ACSM3: variants seen among roughly 807,000 people sequenced by gnomAD.
The protein encoded by ACSM3 is acyl-coenzyme A synthetase ACSM3, mitochondrial.
A neutral mutation model predicts 74.1 loss-of-function variants in ACSM3; 61 were observed. The observed-to-expected ratio is 0.82, with a 90% CI of 0.67 to 1.02. ACSM3 has a LOEUF of 1.02. ACSM3 is among the 50% of genes least tolerant of loss of function. ACSM3 has a pLI of 0.00. For missense variants in ACSM3, 660 were observed against 697.0 expected, an observed-to-expected ratio of 0.95 and a Z score of 0.60; for synonymous variants, 213 against 241.5, an observed-to-expected ratio of 0.88 and a Z score of 1.09.
At chr16:20,705,101 G>A (rs376361701) in intron 1 of ACSM3, among the ~76,000 whole-genome samples, 39 of 152,224 alleles carry the variant, frequency 2.6e-4, no homozygotes, top group African/African-American at 6.7e-4. Context: ...GGCCAGGTGC[G>A]GTGGCTCACG....
intron 2 of ACSM3, among the ~76,000 whole-genome samples, chr16:20,752,826 A>C (rs2079998716): frequency 6.6e-6 from 1 of 152,256 alleles, no homozygotes; most frequent in Non-Finnish European, 1.5e-5. Context: ...CCAACACAAC[A>C]TTATGATTCT....
At chr16:20,682,358 G>A (rs2079464047) in intron 1 of ACSM3, 3 of 1,614,080 alleles carry the variant, frequency 1.9e-6, no homozygotes, top group Non-Finnish European at 2.5e-6. Flanking sequence ...GTCCACCTCT[G>A]AGGCAAGGGC....
chr16:20,685,221 C>T (rs1228195136), intron 1 of ACSM3: 4 of 1,614,112 alleles, frequency 2.5e-6, no homozygotes, highest in Non-Finnish European at 3.4e-6. Context: ...CAGCCACCAG[C>T]CACCACTCAG....
intron 1 of ACSM3, chr16:20,728,486 T>C (rs2079814506): frequency 8.7e-7 from 1 of 1,146,050 alleles, no homozygotes; most frequent in African/African-American, 1.6e-5. Flanking sequence ...TCTCTGAATA[T>C]GTGATATGAG....
In ACSM3 at chr16:20,717,656, C is replaced by A. The variant is rs11642296; in HGVS notation, c.-189-32254C>A. Among the ~76,000 whole-genome samples, 793 of 152,030 alleles carry A rather than the reference C, an allele frequency of 5.2e-3. 8 individuals carry two copies. Among genetic ancestry groups the A allele is most frequent in the Non-Finnish European group, 6.0e-3 (406 of 67,986 alleles). On this transcript the variant is annotated intron_variant, in intron 1 of 3. Coordinates refer to the ACSM3 transcript ENST00000561584. ...CTCCTGAAACATTAACAGCAATTTA[C>A]AAAGATTCCATGCTGATTTTTAAAA...
chr16:20,763,264 A>G (rs960110942), upstream of ACSM3, among the ~76,000 whole-genome samples: 3 of 152,240 alleles, frequency 2.0e-5, no homozygotes, highest in Non-Finnish European at 2.9e-5. Flanking sequence ...AAAAATGGTA[A>G]AAGAGAAAAA....
chr16:20,706,234 G>A (rs1291285464), intron 1 of ACSM3, among the ~76,000 whole-genome samples: 1 of 151,604 alleles, frequency 6.6e-6, no homozygotes, highest in Admixed American at 6.6e-5. Flanking sequence ...ATCTAAAATG[G>A]GAGAAATACA....
chr16:20,682,326 A>AG, intron 1 of ACSM3: 1 of 1,613,958 alleles, frequency 6.2e-7, no homozygotes, highest in Non-Finnish European at 8.5e-7. Flanking sequence ...GTTTTCAGAG[A>AG]GGGGCACTGA....
chr16:20,684,746 G>A (rs2079515367), intron 1 of ACSM3, among the ~76,000 whole-genome samples: 1 of 151,790 alleles, frequency 6.6e-6, no homozygotes, highest in Admixed American at 6.5e-5. Flanking sequence ...GTAAGAAAGG[G>A]AGAGAAAGAG....
At chr16:20,755,562 C>T (rs2152437184) in intron 2 of ACSM3, 1 of 151,738 alleles carries the variant, frequency 6.6e-6, no homozygotes, top group East Asian at 1.9e-4. Flanking sequence ...TATATTTCAT[C>T]TTCATTCCAG....
intron 1 of ACSM3, chr16:20,738,770 T>A: frequency 1.8e-6 from 2 of 1,089,040 alleles, no homozygotes; most frequent in Non-Finnish European, 1.4e-6. Context: ...TAATACAGTG[T>A]ACAGAAGCTG....
At chr16:20,753,138 A>G (rs982327727) in intron 2 of ACSM3, among the ~76,000 whole-genome samples, 1 of 145,028 alleles carries the variant, frequency 6.9e-6, no homozygotes, top group Non-Finnish European at 1.5e-5. Context: ...CACTGAGTTG[A>G]AAAAAAAAAA....
chr16:20,695,339 C>T (rs1246132381), intron 1 of ACSM3, among the ~76,000 whole-genome samples: 2 of 152,158 alleles, frequency 1.3e-5, no homozygotes, highest in African/African-American at 4.8e-5. Flanking sequence ...TGCACGATAT[C>T]CTGCAAAAAG....
At chr16:20,728,629 C>T (rs888219321) in intron 1 of ACSM3, 2 of 365,708 alleles carry the variant, frequency 5.5e-6, no homozygotes, top group South Asian at 8.2e-5. Context: ...TATCACCTAT[C>T]ACCTGAGTAC....
At chr16:20,716,068 A>C (rs1046471768) in intron 1 of ACSM3, among the ~76,000 whole-genome samples, 2 of 152,140 alleles carry the variant, frequency 1.3e-5, no homozygotes, top group Non-Finnish European at 2.9e-5. Flanking sequence ...AGTGAAATCT[A>C]TGAACCTTCT....
chr16:20,739,618 C>T (rs1172369561), intron 1 of ACSM3, among the ~76,000 whole-genome samples: 2 of 151,880 alleles, frequency 1.3e-5, no homozygotes, highest in African/African-American at 2.4e-5. Context: ...GTCAGAAGTT[C>T]GAGACCAGCC....
Position 20,777,418 on chromosome 16 carries a change from T to C in ACSM3, c.476T>C (p.Ile159Thr), listed in dbSNP as rs1349837960. Reference protein sequence around the residue: ...PGTTQLTQKDILYRLQSSKAN... With the variant: ...PGTTQLTQKDTLYRLQSSKAN... ...ACCACTCAGCTGACCCAGAAAGACA[T>C]TCTCTACAGACTACAATCTTCAAAA... Residue 159 changes from isoleucine (I) to threonine (T), a missense_variant, in exon 4 of 14, where the codon ATT becomes ACT. By Grantham distance (89) the Ile-to-Thr change is moderately conservative. Transcript: ENST00000289416. The C allele has an allele frequency of 6.2e-7, 1 of 1,614,100 alleles. No individual in the cohort carries two copies. The highest frequency in any genetic ancestry group is 1.3e-5 in the African/African-American group (1 of 75,042).
intron 2 of ACSM3, among the ~76,000 whole-genome samples, chr16:20,753,320 C>A (rs1484530357): frequency 6.6e-6 from 1 of 151,682 alleles, no homozygotes; most frequent in Non-Finnish European, 1.5e-5. Flanking sequence ...AAAAATTAGC[C>A]AGGCATGGTG....
chr16:20,716,139 T>C (rs530768673), intron 1 of ACSM3, among the ~76,000 whole-genome samples: 1 of 152,296 alleles, frequency 6.6e-6, no homozygotes, highest in East Asian at 1.9e-4. Context: ...AAGCAAGTCA[T>C]GGGACCACCC....
Sources: allele counts gnomAD v4.1 joint callset (sites outside exome capture counted in the v4.1 genomes callset), GRCh38; gene constraint gnomAD v4.1.1; transcripts MANE v1.5; gene names NCBI Gene and HGNC (gene_info 2026-07-23, HGNC 2026-07-21).